Variants in CDH13 observed in about 807,000 individuals in gnomAD.
CDH13 encodes the protein cadherin-13.
A neutral mutation model predicts 63.8 loss-of-function variants in CDH13; 24 were observed. The ratio of observed to expected loss-of-function variants is 0.38; its 90% CI spans 0.27 to 0.53. The LOEUF is 0.53. Ranked by LOEUF, CDH13 falls within the 20% of genes least tolerant of loss-of-function variation. The pLI is 0.85. For synonymous variants in CDH13, 503 were observed against 355.3 expected, an observed-to-expected ratio of 1.42 and a Z score of -4.67; for missense variants, 1,049 against 903.1, an observed-to-expected ratio of 1.16 and a Z score of -2.07.
At chr16:83,130,727 G>A (rs2036007231) in intron 4 of CDH13, among the ~76,000 whole-genome samples, 1 of 152,156 alleles carries the variant, frequency 6.6e-6, no homozygotes, top group South Asian at 2.1e-4. Context: ...TAGCATGCTG[G>A]CACAAAAACG....
intron 10 of CDH13, among the ~76,000 whole-genome samples, chr16:83,701,275 G>A (rs1357403436): frequency 6.6e-6 from 1 of 152,210 alleles, no homozygotes; most frequent in Non-Finnish European, 1.5e-5. Flanking sequence ...GAAAAAGCAA[G>A]AGGGCAGCCG....
intron 7 of CDH13, among the ~76,000 whole-genome samples, chr16:83,592,319 A>G (rs1485326985): frequency 1.3e-5 from 2 of 152,176 alleles, no homozygotes; most frequent in African/African-American, 4.8e-5. Flanking sequence ...CACTTATCTC[A>G]TCTGACCTTA....
intron 8 of CDH13, among the ~76,000 whole-genome samples, chr16:83,613,103 A>G (rs1193542614): frequency 6.6e-6 from 1 of 152,220 alleles, no homozygotes. Flanking sequence ...AGAGAACTTC[A>G]AAGATAACAT....
At chr16:82,666,885 C>G (rs1358895540) in intron 1 of CDH13, among the ~76,000 whole-genome samples, 1 of 152,168 alleles carries the variant, frequency 6.6e-6, no homozygotes, top group Non-Finnish European at 1.5e-5. Context: ...TCAGAACCAC[C>G]TTGTCAAGAT....
intron 9 of CDH13, among the ~76,000 whole-genome samples, chr16:83,673,231 T>C (rs575447295): frequency 2.0e-5 from 3 of 152,302 alleles, no homozygotes; most frequent in Admixed American, 6.5e-5. Flanking sequence ...TGACCCGTAC[T>C]AGAAATCCTT....
chr16:83,049,567 C>G (rs1001588792), intron 3 of CDH13, among the ~76,000 whole-genome samples: 1 of 152,064 alleles, frequency 6.6e-6, no homozygotes, highest in African/African-American at 2.4e-5. Flanking sequence ...AATCTCCTGA[C>G]CTCGTGATCC....
chr16:82,932,053 G>A (rs2151296433), intron 2 of CDH13, among the ~76,000 whole-genome samples: 1 of 152,276 alleles, frequency 6.6e-6, no homozygotes, highest in East Asian at 1.9e-4. Context: ...AATCACTGTA[G>A]TTAGTGGGAA....
At chr16:82,780,532 T>C (rs984419570) in intron 1 of CDH13, among the ~76,000 whole-genome samples, 1 of 151,656 alleles carries the variant, frequency 6.6e-6, no homozygotes. Flanking sequence ...CAGGTGATGC[T>C]GACATTTTGT....
At chr16:82,856,798 G>T (rs889088221) in intron 1 of CDH13, among the ~76,000 whole-genome samples, 1 of 151,710 alleles carries the variant, frequency 6.6e-6, no homozygotes, top group Non-Finnish European at 1.5e-5. Flanking sequence ...GAGAAGGCAG[G>T]TAATGAATGT....
intron 3 of CDH13, among the ~76,000 whole-genome samples, chr16:83,033,587 C>G (rs375028421): frequency 2.0e-5 from 3 of 152,236 alleles, no homozygotes; most frequent in East Asian, 3.9e-4. Context: ...GCATATCGTG[C>G]TTCTCGTTTG....
chr16:82,827,351 G>GT (rs2038304107), intron 1 of CDH13, among the ~76,000 whole-genome samples: 1 of 152,120 alleles, frequency 6.6e-6, no homozygotes, highest in African/African-American at 2.4e-5. Flanking sequence ...GAGGCATTGG[G>GT]TGTCTTTAAG....
intron 5 of CDH13, among the ~76,000 whole-genome samples, chr16:83,284,362 C>G (rs929871813): frequency 3.9e-5 from 6 of 152,134 alleles, no homozygotes; most frequent in African/African-American, 9.7e-5. Context: ...AAATCCTTAT[C>G]TGAAAAATGA....
At chr16:83,668,556 T>C (rs1232792975) in intron 8 of CDH13, among the ~76,000 whole-genome samples, 1 of 152,132 alleles carries the variant, frequency 6.6e-6, no homozygotes, top group African/African-American at 2.4e-5. Context: ...CAAGGACGGG[T>C]TATGAGCTGA....
At chr16:83,007,661 A>G (rs2151431749) in intron 2 of CDH13, among the ~76,000 whole-genome samples, 1 of 152,116 alleles carries the variant, frequency 6.6e-6, no homozygotes, top group East Asian at 1.9e-4. Flanking sequence ...AAAACCCTGT[A>G]TCTACTAAAA....
At chr16:82,711,284 T>C (rs2031922312) in intron 1 of CDH13, among the ~76,000 whole-genome samples, 1 of 152,170 alleles carries the variant, frequency 6.6e-6, no homozygotes, top group Admixed American at 6.5e-5. Context: ...TCATCTACCA[T>C]TCTCTTAAGG....
At chr16:83,173,778 C>T (rs1485379905) in intron 4 of CDH13, among the ~76,000 whole-genome samples, 1 of 152,096 alleles carries the variant, frequency 6.6e-6, no homozygotes, top group Non-Finnish European at 1.5e-5. Context: ...AAACATAAAC[C>T]TGCCCAAACT....
chr16:82,797,442 T>C (rs1283658444), intron 1 of CDH13, among the ~76,000 whole-genome samples: 2 of 152,182 alleles, frequency 1.3e-5, no homozygotes, highest in Admixed American at 6.5e-5. Flanking sequence ...GTGCAGACTT[T>C]GCTAATTCAT....
intron 11 of CDH13, among the ~76,000 whole-genome samples, chr16:83,754,813 T>A (rs1958560641): frequency 6.6e-6 from 1 of 152,158 alleles, no homozygotes; most frequent in Admixed American, 6.5e-5. Context: ...AATTGCCCAG[T>A]CTCTGGTATG....
rs150711832 is a variant in CDH13, at chr16:82,727,100, G to A, written c.45+99963G>A. 3.3e-3 allele frequency among the ~76,000 whole-genome samples: 501 copies of A among 152,244 alleles called. 1 individual carries two copies. The highest frequency in any genetic ancestry group is 0.011 in the African/African-American group (456 of 41,542). ...GCAAGGGGATGAGGGCGGCGGCGGT[G>A]GTGGGGTTACAAGATGCGCAGGTGG... On this transcript the variant is annotated intron_variant, in intron 1 of 13. Coordinates refer to ENST00000567109, the MANE Select transcript of CDH13 (RefSeq NM_001257.5).
Sources: allele counts gnomAD v4.1 joint callset (sites outside exome capture counted in the v4.1 genomes callset), GRCh38; gene constraint gnomAD v4.1.1; transcripts MANE v1.5; gene names NCBI Gene and HGNC (gene_info 2026-07-23, HGNC 2026-07-21).